The following AR variants were observed in gnomAD, a reference collection of about 807,000 sequenced individuals.
The protein encoded by AR is androgen receptor.
In AR, 8 loss-of-function variants were observed where a neutral mutation model predicts 53.9. The observed-to-expected ratio is 0.15, with a 90% CI of 0.09 to 0.27. The LOEUF (loss-of-function observed/expected upper bound fraction) is 0.27. AR is among the 10% of genes least tolerant of loss of function. The probability of loss-of-function intolerance (pLI) is 1.00; values close to 1 mark genes in which losing one functional copy is unlikely to be tolerated. For synonymous variants in AR, 359 were observed against 316.4 expected (o/e 1.13, Z -1.43); for missense variants, 639 against 742.5 (o/e 0.86, Z 1.62).
rs1168564572 is a variant in AR at position 67,729,940 on chromosome X, T to A, written c.*6099T>A. Reference sequence around the variant, plus strand: ...GGGGTTGTCCTATCCCATAAGCCACTTGGATGCTGACAGCAGCCACCATCA... The same window carrying A: ...GGGGTTGTCCTATCCCATAAGCCACATGGATGCTGACAGCAGCCACCATCA... On this transcript the variant is annotated 3_prime_UTR_variant, in exon 8 of 8. Coordinates refer to ENST00000374690, the MANE Select transcript of AR (RefSeq NM_000044.6). The A allele has an allele frequency of 1.2e-5, 2 of 170,161 alleles. No individual in the cohort carries two copies. Among genetic ancestry groups the A allele is most frequent in the Non-Finnish European group, 2.2e-5 (2 of 90,224 alleles). 14.0% of individuals were successfully genotyped at this position (170,161 alleles called of 1,213,427 possible). A position where few individuals can be genotyped will look rare whatever the true frequency, so the allele number is the denominator to read the frequency against.
At position 67,546,236 on chromosome X, in the gene AR, T is replaced by A. The variant is rs778472979; in HGVS notation, c.1090T>A (p.Tyr364Asn). The A allele has an allele frequency of 1.7e-6, 2 of 1,211,246 alleles. No individual in the cohort carries two copies. The highest frequency in any genetic ancestry group is 4.3e-5 in the Admixed American group (2 of 46,102). Residue 364 changes from tyrosine to asparagine, a missense_variant, in exon 1 of 8, where the codon TAC becomes AAC. This residue lies in a region of AR where 423 missense variants were observed against 377.0 expected (regional missense o/e 1.12). Coordinates refer to ENST00000374690, the MANE Select transcript of AR (RefSeq NM_000044.6). ...DEAAAYQSRD[Y>N]YNFPLALAGP... Reference sequence around the variant, plus strand: ...GGCAGCTGCGTACCAGAGTCGCGACTACTACAACTTTCCACTGGCTCTGGC... The same window carrying A: ...GGCAGCTGCGTACCAGAGTCGCGACAACTACAACTTTCCACTGGCTCTGGC...
At chrX:67,588,821 C>A (rs1182659999) in intron 1 of AR, among the ~76,000 whole-genome samples, 1 of 112,188 alleles carries the variant, frequency 8.9e-6, no homozygotes, top group Admixed American at 9.4e-5. Context: ...GACAGTTTGT[C>A]ATTTTAAGAT....
At chrX:67,630,210 G>A (rs1353001772) in intron 1 of AR, among the ~76,000 whole-genome samples, 9 of 110,509 alleles carry the variant, frequency 8.1e-5, no homozygotes, top group East Asian at 2.8e-4. Context: ...TTTCTGTCTC[G>A]TTGATCTGTC....
chrX:67,717,949 GC>G (rs2076120489), intron 5 of AR, among the ~76,000 whole-genome samples: 1 of 112,392 alleles, frequency 8.9e-6, no homozygotes, highest in Non-Finnish European at 1.9e-5. Flanking sequence ...AAAGACTCTG[GC>G]TTTAAGGGCT....
chrX:67,637,484 A>G (rs930332790), intron 1 of AR, among the ~76,000 whole-genome samples: 8 of 108,274 alleles, frequency 7.4e-5, no homozygotes, highest in Non-Finnish European at 1.5e-4. Flanking sequence ...AGCTTCATCC[A>G]TGTCCCTACA....
intron 3 of AR, among the ~76,000 whole-genome samples, chrX:67,708,864 G>C (rs1187650216): frequency 1.8e-5 from 2 of 112,315 alleles, no homozygotes; most frequent in Non-Finnish European, 3.8e-5. Context: ...CTAACAGTCA[G>C]GACCCTCAGC....
At chrX:67,624,828 A>G (rs1924542748) in intron 1 of AR, among the ~76,000 whole-genome samples, 1 of 102,181 alleles carries the variant, frequency 9.8e-6, no homozygotes, top group African/African-American at 3.6e-5. Flanking sequence ...TTGTAAGATC[A>G]GGAACAAGAC....
At chrX:67,625,758 A>T (rs1165329117) in intron 1 of AR, among the ~76,000 whole-genome samples, 1 of 111,966 alleles carries the variant, frequency 8.9e-6, no homozygotes, top group Non-Finnish European at 1.9e-5. Context: ...AAATGATCTC[A>T]TGGTGTATCA....
At chrX:67,660,401 G>C (rs1443886388) in intron 2 of AR, among the ~76,000 whole-genome samples, 2 of 111,809 alleles carry the variant, frequency 1.8e-5, no homozygotes, top group Non-Finnish European at 3.8e-5. Flanking sequence ...TAAGGTGTAA[G>C]GAAGGGATCC....
intron 2 of AR, among the ~76,000 whole-genome samples, chrX:67,679,518 G>A (rs2075920684): frequency 9.0e-6 from 1 of 111,189 alleles, no homozygotes; most frequent in Non-Finnish European, 1.9e-5. Context: ...CCCTAGAAGT[G>A]GAATTCCTAG....
intron 1 of AR, among the ~76,000 whole-genome samples, chrX:67,574,032 G>A (rs1180176309): frequency 9.0e-6 from 1 of 111,717 alleles, no homozygotes; most frequent in Non-Finnish European, 1.9e-5. Context: ...CCATTCTCCA[G>A]CTTATATTTT....
chrX:67,691,790 A>G (rs2075996817), intron 3 of AR, among the ~76,000 whole-genome samples: 2 of 111,754 alleles, frequency 1.8e-5, no homozygotes, highest in South Asian at 7.5e-4. Flanking sequence ...GCTATTAGCT[A>G]CTAATGCCAC....
At chrX:67,704,072 G>T (rs890284617) in intron 3 of AR, among the ~76,000 whole-genome samples, 4 of 111,587 alleles carry the variant, frequency 3.6e-5, no homozygotes, top group Non-Finnish European at 7.5e-5. Context: ...TGGTTCCAAG[G>T]CTTTGCTATT....
chrX:67,702,539 C>G (rs1335797701), intron 3 of AR, among the ~76,000 whole-genome samples: 2 of 112,221 alleles, frequency 1.8e-5, no homozygotes, highest in Non-Finnish European at 3.8e-5. Flanking sequence ...CTCCTTATTA[C>G]TGGCTGTGCC....
chrX:67,628,147 A>C lies in AR; in HGVS notation c.1617-15109A>C, dbSNP rs1362487005. ...TCTTTTTTGGTTCCATATGAACTTT[A>C]AAGTAGTTTTTTCCAATTCTGTGAA... On this transcript the variant is annotated intron_variant, in intron 1 of 7. Coordinates refer to ENST00000374690, the MANE Select transcript of AR (RefSeq NM_000044.6). Among the ~76,000 whole-genome samples, 15 of 110,995 alleles carry C rather than the reference A, an allele frequency of 1.4e-4. No homozygotes were observed. In the East Asian group the frequency reaches 4.0e-3, roughly 29 times the overall value.
chrX:67,625,678 G>A (rs1424897108), intron 1 of AR, among the ~76,000 whole-genome samples: 1 of 111,391 alleles, frequency 9.0e-6, no homozygotes, highest in South Asian at 3.7e-4. Context: ...TCAATAAATT[G>A]TACTGGAAAA....
intron 1 of AR, chrX:67,569,129 G>C: frequency 1.2e-6 from 1 of 861,845 alleles, no homozygotes; most frequent in Non-Finnish European, 1.6e-6. Flanking sequence ...TTATCTATTA[G>C]GCATCTAGAC....
At chrX:67,574,979 G>T (rs943996631) in intron 1 of AR, among the ~76,000 whole-genome samples, 3 of 111,261 alleles carry the variant, frequency 2.7e-5, no homozygotes, top group Admixed American at 9.6e-5. Flanking sequence ...TTTTTTTCCG[G>T]GGGGGATGAC....
intron 2 of AR, among the ~76,000 whole-genome samples, chrX:67,650,396 T>C (rs1375948356): frequency 1.8e-5 from 2 of 112,020 alleles, no homozygotes; most frequent in Non-Finnish European, 3.8e-5. Context: ...TTTCAGGGAA[T>C]TGCTGGGTGA....
Sources: gnomAD v4.1 joint callset for allele counts (sites outside exome capture counted in the v4.1 genomes callset) on GRCh38, gnomAD v4.1.1 for gene constraint, gnomAD v4.1.1 regional missense constraint, MANE v1.5 for transcripts, NCBI Gene and HGNC (gene_info 2026-07-23, HGNC 2026-07-21) for gene names.